The following HACL2 variants were observed in gnomAD, a reference collection of about 807,000 sequenced individuals.
HACL2 encodes the protein 2-hydroxyacyl-CoA lyase 1 like.
the HACL2 span, chr19:15,120,160 G>A: frequency 4.2e-6 from 4 of 962,840 alleles, no homozygotes; most frequent in Non-Finnish European, 4.7e-6. Flanking sequence ...CAAGGAAAGG[G>A]GCCGGGAGAA....
the HACL2 span, chr19:15,124,828 C>A: frequency 1.3e-6 from 2 of 1,488,516 alleles, no homozygotes; most frequent in Admixed American, 2.2e-5. Context: ...TCGGGGCTCG[C>A]TTTCCCACCC....
At chr19:15,120,777 C>T in the HACL2 span, among the ~76,000 whole-genome samples, 1 of 152,182 alleles carries the variant, frequency 6.6e-6, no homozygotes, top group Admixed American at 6.5e-5. Context: ...AGCACAGAAG[C>T]AGCCCAGGAT....
At chr19:15,119,588 T>C in the HACL2 span, 1 of 1,307,270 alleles carries the variant, frequency 7.6e-7, no homozygotes, top group East Asian at 2.5e-5. Flanking sequence ...TTTCACTCTG[T>C]TGCCCAGGAT....
the HACL2 span, chr19:15,116,049 A>G: frequency 1.2e-6 from 2 of 1,614,030 alleles, no homozygotes; most frequent in Non-Finnish European, 1.7e-6. Flanking sequence ...ATCCTGCACC[A>G]ACTCCCAGAG....
the HACL2 span, chr19:15,119,125 G>A: frequency 2.0e-6 from 3 of 1,520,164 alleles, no homozygotes; most frequent in Non-Finnish European, 2.6e-6. Context: ...GGGTGAGGGG[G>A]TTCCTGGGGG....
At chr19:15,116,700 G>A in the HACL2 span, 2 of 594,986 alleles carry the variant, frequency 3.4e-6, no homozygotes, top group Admixed American at 3.0e-5. Context: ...CAGAACCAGG[G>A]GAGGGCAGCC....
At chr19:15,119,319 A>G in the HACL2 span, 1 of 1,603,144 alleles carries the variant, frequency 6.2e-7, no homozygotes, top group Non-Finnish European at 8.5e-7. Context: ...GTCCAGGCAG[A>G]GCAGAGGTCA....
chr19:15,120,674 T>G, the HACL2 span, among the ~76,000 whole-genome samples: 1 of 152,132 alleles, frequency 6.6e-6, no homozygotes, highest in African/African-American at 2.4e-5. Flanking sequence ...GGGCGCTCTA[T>G]CCAGCGAAAG....
the HACL2 span, chr19:15,116,089 A>G: frequency 1.1e-5 from 17 of 1,613,490 alleles, no homozygotes; most frequent in Non-Finnish European, 1.4e-5. Context: ...GACCAAGAGC[A>G]GGTGGGTGTG....
At chr19:15,124,688 G>A in the HACL2 span, 15 of 541,562 alleles carry the variant, frequency 2.8e-5, no homozygotes, top group Non-Finnish European at 4.5e-5. Context: ...AGGTAGGTGG[G>A]GTGCGAGTGC....
At chr19:15,119,515 C>T in the HACL2 span, 6 of 1,613,106 alleles carry the variant, frequency 3.7e-6, no homozygotes, top group East Asian at 2.2e-5. Flanking sequence ...CAGCGCTGAA[C>T]CTGGAGCGAG....
the HACL2 span, chr19:15,124,485 G>C: frequency 1.2e-5 from 2 of 162,558 alleles, no homozygotes; most frequent in East Asian, 3.7e-4. Flanking sequence ...AGAAAGAACA[G>C]CACCTACTTT....
At chr19:15,124,620 A>T in the HACL2 span, 1 of 405,084 alleles carries the variant, frequency 2.5e-6, no homozygotes, top group Non-Finnish European at 4.4e-6. Flanking sequence ...TATCCCATCC[A>T]GGTTAGGGAG....
At chr19:15,122,716 G>A in the HACL2 span, 2 of 1,614,182 alleles carry the variant, frequency 1.2e-6, no homozygotes, top group Non-Finnish European at 1.7e-6. This position sits in a 1 kb window ranked among gnomAD's most constrained non-coding sequence, Gnocchi z 4.0. Flanking sequence ...GGCCCACGAG[G>A]CCCTTGGGTG....
the HACL2 span, chr19:15,123,389 A>G: frequency 4.3e-6 from 7 of 1,613,758 alleles, no homozygotes; most frequent in African/African-American, 1.3e-5. The surrounding 1 kb of genome is among the most constrained non-coding windows in gnomAD (Gnocchi z 5.1). Context: ...CAGGCGGGCC[A>G]TAGCATCAGC....
the HACL2 span, among the ~76,000 whole-genome samples, chr19:15,118,548 G>A: frequency 7.9e-5 from 12 of 152,096 alleles, no homozygotes; most frequent in Admixed American, 7.9e-4. Flanking sequence ...TCAATTGCAA[G>A]ACCTCTGAGT....
chr19:15,120,309 A>T, the HACL2 span, among the ~76,000 whole-genome samples: 6 of 152,140 alleles, frequency 3.9e-5, no homozygotes, highest in African/African-American at 1.4e-4. Context: ...GTAGCCCCCC[A>T]GAAGCAAGGA....
chr19:15,123,325 C>T, the HACL2 span: 9 of 1,606,198 alleles, frequency 5.6e-6, no homozygotes, highest in East Asian at 6.7e-5. The surrounding 1 kb of genome is among the most constrained non-coding windows in gnomAD (Gnocchi z 5.1). Flanking sequence ...CTCACAGACA[C>T]TCTAGCCCAC....
At chr19:15,123,023 C>T in the HACL2 span, 1 of 1,604,634 alleles carries the variant, frequency 6.2e-7, no homozygotes, top group African/African-American at 1.3e-5. The surrounding 1 kb of genome is among the most constrained non-coding windows in gnomAD (Gnocchi z 5.1). Flanking sequence ...CTGGAGCGCA[C>T]CCCGGTTCTG....
Sources: allele counts gnomAD v4.1 joint callset (sites outside exome capture counted in the v4.1 genomes callset), GRCh38; gene constraint gnomAD v4.1.1; non-coding constraint Gnocchi (gnomAD v3.1); transcripts MANE v1.5; gene names NCBI Gene and HGNC (gene_info 2026-07-23, HGNC 2026-07-21).